The following NOL4L variants were observed in gnomAD, a reference collection of about 807,000 sequenced individuals.
The protein encoded by NOL4L is nucleolar protein 4-like.
A neutral mutation model predicts 64.5 loss-of-function variants in NOL4L; 7 were observed. That is an observed-to-expected ratio of 0.11 (90% confidence interval 0.06 to 0.20). The LOEUF is 0.20. NOL4L is among the 10% of genes least tolerant of loss of function. NOL4L has a pLI of 1.00. For missense variants in NOL4L, 680 were observed against 967.1 expected (o/e 0.70, Z 3.94); for synonymous variants, 413 against 401.0 (o/e 1.03, Z -0.36).
intron 5 of NOL4L, among the ~76,000 whole-genome samples, chr20:32,468,718 G>A (rs565710521): frequency 6.6e-6 from 1 of 152,108 alleles, no homozygotes; most frequent in Non-Finnish European, 1.5e-5. Flanking sequence ...GACCAACATG[G>A]TGAAACACTG....
At chr20:32,550,349 C>T (rs1478502317) in intron 1 of NOL4L, among the ~76,000 whole-genome samples, 2 of 152,212 alleles carry the variant, frequency 1.3e-5, no homozygotes, top group Non-Finnish European at 2.9e-5. Flanking sequence ...CAGGTTCAAG[C>T]GATTCTCCGG....
intron 3 of NOL4L, among the ~76,000 whole-genome samples, chr20:32,514,064 C>G (rs116345554): frequency 6.6e-6 from 1 of 152,158 alleles, no homozygotes; most frequent in Non-Finnish European, 1.5e-5. Flanking sequence ...TCCTCTTTGA[C>G]GCTGTGTACT....
chr20:32,540,539 G>A (rs1007401063), intron 1 of NOL4L, among the ~76,000 whole-genome samples: 5 of 152,142 alleles, frequency 3.3e-5, no homozygotes, highest in African/African-American at 9.6e-5. Context: ...GCCCAGCACC[G>A]ACCTTCCAGA....
rs554157605 is a variant in NOL4L at position 32,474,908 on chromosome 20, G to A, written c.700-166C>T. 4.9e-4 allele frequency: 486 copies of A among 985,434 alleles called. 1 individual carries two copies. In the African/African-American group the frequency reaches 7.8e-3, roughly 16 times the overall value. The allele number at this position is 985,434 out of a possible 1,614,324, so 61.0% of individuals were successfully genotyped here. ...GGCTGGGTGGTGCTCCCCCTTGCCC[G>A]GTGGAAGTGGCCCCGGCTCTGGTTC... is the stretch of plus-strand genomic sequence containing the variant. On this transcript the variant is annotated intron_variant, in intron 4 of 10. Coordinates refer to ENST00000621426, the MANE Select transcript of NOL4L (RefSeq NM_001256798.2).
At chr20:32,458,706 G>A (rs906960282) in intron 5 of NOL4L, among the ~76,000 whole-genome samples, 1 of 152,248 alleles carries the variant, frequency 6.6e-6, no homozygotes, top group Non-Finnish European at 1.5e-5. Flanking sequence ...CCTCTGGAAT[G>A]AGGGGCTGCT....
intron 5 of NOL4L, 45 bp downstream of exon 5, chr20:32,474,556 G>C (rs750864537): frequency 6.3e-7 from 1 of 1,580,352 alleles, no homozygotes; most frequent in Non-Finnish European, 8.6e-7. Flanking sequence ...TGGGAGCAGG[G>C]GGCCGGGCAC....
intron 10 of NOL4L, among the ~76,000 whole-genome samples, chr20:32,448,930 G>A (rs527568601): frequency 3.9e-5 from 6 of 152,290 alleles, no homozygotes; most frequent in Admixed American, 3.3e-4. Context: ...CGGCTCCTGC[G>A]AGCAGAAGCT....
intron 1 of NOL4L, among the ~76,000 whole-genome samples, chr20:32,553,183 A>G (rs1433238115): frequency 1.3e-5 from 2 of 151,994 alleles, no homozygotes; most frequent in Non-Finnish European, 2.9e-5. Flanking sequence ...TCACCCCACC[A>G]TGGGCACCAT....
rs563708621 is a variant in NOL4L, at chr20:32,505,549, T to C, written c.699+5798A>G. 3.9e-5 allele frequency among the ~76,000 whole-genome samples: 6 copies of C among 152,028 alleles called. No individual in the cohort carries two copies. In the South Asian group the frequency reaches 6.2e-4, roughly 16 times the overall value. ...CCAGACAACATGGCGAAACCACATCTCTACAAAAAAAAATACAAAAATTAG... is the reference window on the plus strand; with the variant it reads ...CCAGACAACATGGCGAAACCACATCCCTACAAAAAAAAATACAAAAATTAG... On this transcript the variant is annotated intron_variant, in intron 4 of 10. Transcript: ENST00000621426.
At chr20:32,503,648 C>T (rs2017013360) in intron 4 of NOL4L, among the ~76,000 whole-genome samples, 1 of 152,180 alleles carries the variant, frequency 6.6e-6, no homozygotes, top group Non-Finnish European at 1.5e-5. Flanking sequence ...TATTCCAAGA[C>T]AGTAGCAAAA....
Position 32,584,723 on chromosome 20 carries a change from C to A in NOL4L, c.168G>T (p.Leu56=). 1 of 1,548,342 alleles carries A rather than the reference C, an allele frequency of 6.5e-7. No homozygotes were observed. The highest frequency in any genetic ancestry group is 8.7e-7 in the Non-Finnish European group (1 of 1,145,868). ...RSKYQRIAEV[L]QGGGGTGAGS... Reference sequence around the variant, plus strand: ...CCGCGCCAGTCCCGCCGCCGCCCTGCAGGACCTCGGCGATCCGCTGGTATT... The same window carrying A: ...CCGCGCCAGTCCCGCCGCCGCCCTGAAGGACCTCGGCGATCCGCTGGTATT... Residue 56 remains leucine (L), a synonymous_variant, in exon 1 of 11, where the codon CTG becomes CTT. Transcript: ENST00000621426.
chr20:32,573,920 G>A (rs1979921552), intron 1 of NOL4L: 1 of 152,698 alleles, frequency 6.5e-6, no homozygotes, highest in Non-Finnish European at 1.5e-5. Flanking sequence ...GAGCCTCGGA[G>A]CCACCCTTGG....
At chr20:32,497,698 T>C (rs996530193) in intron 4 of NOL4L, among the ~76,000 whole-genome samples, 2 of 152,184 alleles carry the variant, frequency 1.3e-5, no homozygotes, top group African/African-American at 4.8e-5. Flanking sequence ...TTTGAGCTGC[T>C]CCTTCCTGGC....
rs184209909 is a variant in NOL4L, at chr20:32,460,680, C to T, written c.842-4285G>A. Among the ~76,000 whole-genome samples the T allele has an allele frequency of 1.7e-3, 263 of 152,316 alleles. No individual in the cohort carries two copies. The highest frequency in any genetic ancestry group is 4.9e-3 in the Admixed American group (75 of 15,302). On this transcript the variant is annotated intron_variant, in intron 5 of 10. Transcript: ENST00000621426. The surrounding 1 kb of genome is among the most constrained non-coding windows in gnomAD (Gnocchi z 5.7). Reference sequence around the variant, plus strand: ...TCTCACATCATAACTCACCCACTGCCGACGCACGAGGCTCCCAGACTGCAA... The same window carrying T: ...TCTCACATCATAACTCACCCACTGCTGACGCACGAGGCTCCCAGACTGCAA...
intron 4 of NOL4L, among the ~76,000 whole-genome samples, chr20:32,498,870 A>AT (rs1225372028): frequency 4.0e-5 from 6 of 151,854 alleles, no homozygotes; most frequent in Admixed American, 2.6e-4. Flanking sequence ...TACTTAAAAA[A>AT]TTTTTGTGTT....
chr20:32,452,091 G>A (rs1381606721), intron 10 of NOL4L, 145 bp downstream of exon 10: 15 of 577,668 alleles, frequency 2.6e-5, no homozygotes, highest in African/African-American at 3.9e-5. Context: ...TGCCAGAGCC[G>A]CCCCTCCTGC....
chr20:32,500,534 C>CCTAGAGACATGGTT (rs2016879766), intron 4 of NOL4L, among the ~76,000 whole-genome samples: 1 of 109,224 alleles, frequency 9.2e-6, no homozygotes, highest in Non-Finnish European at 1.8e-5. Flanking sequence ...TTTTGTATTT[C>CCTAGAGACATGGTT]TTTCTTTTTT....
At chr20:32,575,771 G>T (rs10875486) in intron 1 of NOL4L, among the ~76,000 whole-genome samples, 40,331 of 151,880 alleles carry the variant, frequency 0.27, 6,645 homozygotes, top group East Asian at 0.75. Context: ...AGGGATAAGG[G>T]CCACAGAGGA....
At chr20:32,568,534 C>T (rs1979573974) in intron 1 of NOL4L, among the ~76,000 whole-genome samples, 3 of 152,176 alleles carry the variant, frequency 2.0e-5, no homozygotes, top group Admixed American at 2.0e-4. Context: ...AAACACCTCC[C>T]TCCCCATGTT....
Sources: gnomAD v4.1 joint callset for allele counts (sites outside exome capture counted in the v4.1 genomes callset) on GRCh38, gnomAD v4.1.1 for gene constraint, Gnocchi (gnomAD v3.1) non-coding constraint, MANE v1.5 for transcripts, NCBI Gene and HGNC (gene_info 2026-07-23, HGNC 2026-07-21) for gene names.